Variants in IL20RA observed in about 807,000 individuals in gnomAD.
IL20RA encodes interleukin-20 receptor subunit alpha.
IL20RA carries 29 observed loss-of-function variants against 36.5 expected under a neutral mutation model. That is an observed-to-expected ratio of 0.79 (90% CI 0.59 to 1.08). The LOEUF (loss-of-function observed/expected upper bound fraction) is 1.08. Among genes scored for constraint, IL20RA ranks in the 50% least tolerant of loss-of-function variants. The pLI is 0.00. For synonymous variants in IL20RA, 279 were observed against 267.1 expected, an observed-to-expected ratio of 1.04 and a Z score of -0.43; for missense variants, 652 against 668.4, an observed-to-expected ratio of 0.98 and a Z score of 0.27.
At chr6:137,004,873 A>T in intron 5 of IL20RA, 113 bp from the exon 6 acceptor site, 1 of 981,136 alleles carries the variant, frequency 1.0e-6, no homozygotes, top group Non-Finnish European at 1.5e-6. Context: ...GATCACTTAC[A>T]TTTGGGAACT....
chr6:137,025,035 C>T (rs1039901391), intron 1 of IL20RA, among the ~76,000 whole-genome samples: 1 of 152,218 alleles, frequency 6.6e-6, no homozygotes, highest in African/African-American at 2.4e-5. Flanking sequence ...AGGAACTATC[C>T]ATTTAATGAA....
At chr6:137,028,414 TAAAAAAAAAAAAA>T (rs36068116) in intron 1 of IL20RA, among the ~76,000 whole-genome samples, 1 of 117,288 alleles carries the variant, frequency 8.5e-6, no homozygotes, top group African/African-American at 3.3e-5. Flanking sequence ...AGACTCCATC[TAAAAAAAAAAAAA>T]AAAAAAAGAA....
At position 137,002,122 on chromosome 6, in the gene IL20RA, CAA is replaced by C; in HGVS notation, c.1096_1097del (p.Leu366AspfsTer6). On this transcript the variant is annotated frameshift_variant, in exon 7 of 7. Transcript: ENST00000316649. LOFTEE classifies it low-confidence loss of function (END_TRUNC). ...CTTCAGAGTCACAAAAAATTTCCAT[CAA>C]ATGCGAAGCATACCCTAAATGTTTC... ...EVKHLGYASH[L>X]MEIFCDSEEN... 2 of 1,614,192 alleles carry C rather than the reference CAA, an allele frequency of 1.2e-6. No individual in the cohort carries two copies. The highest frequency in any genetic ancestry group is 1.7e-6 in the Non-Finnish European group (2 of 1,180,032).
intron 2 of IL20RA, among the ~76,000 whole-genome samples, chr6:137,012,398 A>G (rs575156277): frequency 1.3e-5 from 2 of 152,334 alleles, no homozygotes; most frequent in East Asian, 1.9e-4. Flanking sequence ...AATGGTGGTG[A>G]TATTTACTAC....
intron 1 of IL20RA, among the ~76,000 whole-genome samples, chr6:137,025,384 CT>C (rs1776051615): frequency 6.6e-6 from 1 of 152,188 alleles, no homozygotes; most frequent in African/African-American, 2.4e-5. Flanking sequence ...AGTGGGCCCT[CT>C]CCATCCACCA....
intron 1 of IL20RA, among the ~76,000 whole-genome samples, chr6:137,039,657 T>C (rs901421552): frequency 6.6e-6 from 1 of 152,148 alleles, no homozygotes; most frequent in Non-Finnish European, 1.5e-5. Context: ...AATATCACAA[T>C]GACAGTGTAA....
intron 1 of IL20RA, among the ~76,000 whole-genome samples, chr6:137,041,815 A>T (rs372769949): frequency 7.4e-5 from 11 of 149,112 alleles, no homozygotes; most frequent in African/African-American, 2.7e-4. Flanking sequence ...TTTTTTTTTA[A>T]ATATATATAT....
intron 6 of IL20RA, among the ~76,000 whole-genome samples, chr6:137,003,858 G>A (rs981017173): frequency 1.3e-5 from 2 of 152,028 alleles, no homozygotes; most frequent in African/African-American, 4.8e-5. Context: ...TGTTTCTTCT[G>A]CCTGCACTAC....
intron 1 of IL20RA, among the ~76,000 whole-genome samples, chr6:137,017,924 A>T (rs2115389111): frequency 6.6e-6 from 1 of 152,322 alleles, no homozygotes; most frequent in East Asian, 1.9e-4. Flanking sequence ...AAAATAAAGC[A>T]AAGATAATCC....
intron 1 of IL20RA, among the ~76,000 whole-genome samples, chr6:137,018,339 A>T (rs1775774982): frequency 1.3e-5 from 2 of 152,196 alleles, no homozygotes. Flanking sequence ...ACTTTGTAAT[A>T]TCACCCTGAT....
intron 3 of IL20RA, 22 bp downstream of exon 3, chr6:137,011,252 T>C (rs776995192): frequency 2.1e-5 from 34 of 1,582,188 alleles, no homozygotes; most frequent in Non-Finnish European, 2.8e-5. Context: ...TAACTGACCA[T>C]TGCAATAATG....
intron 1 of IL20RA, among the ~76,000 whole-genome samples, chr6:137,026,779 G>T (rs952439029): frequency 2.0e-5 from 3 of 152,148 alleles, no homozygotes; most frequent in Non-Finnish European, 4.4e-5. Flanking sequence ...GAAAGGAACG[G>T]CATGTTTTCT....
At chr6:137,004,159 C>CGGG (rs531501235) in intron 6 of IL20RA, among the ~76,000 whole-genome samples, 1 of 88,016 alleles carries the variant, frequency 1.1e-5, no homozygotes, top group African/African-American at 5.6e-5. Flanking sequence ...ATCCAGAAAG[C>CGGG]TTTTTTTTTT....
In IL20RA at chr6:137,001,715, T is replaced by A; in HGVS notation, c.1505A>T (p.Glu502Val). 1.2e-6 allele frequency: 2 copies of A among 1,614,014 alleles called. No individual in the cohort carries two copies. The highest frequency in any genetic ancestry group is 1.7e-6 in the Non-Finnish European group (2 of 1,179,934). The change falls in exon 7 of 7, where the codon GAG (glutamate) becomes GTG (valine). Residue 502 changes from glutamate (E) to valine (V), a missense_variant. By Grantham distance (121) the Glu-to-Val change is moderately radical. Coordinates refer to ENST00000316649, the MANE Select transcript of IL20RA (RefSeq NM_014432.4). The stretch of plus-strand genomic sequence containing the variant: ...ATCCCCCTCAGAAGGCTCGCAGCCC[T>A]CTGAATCCTGGTCGAAGCTGGACAG... ...PSLSSFDQDS[E>V]GCEPSEGDGL...
chr6:137,027,371 C>T (rs749036619), intron 1 of IL20RA, among the ~76,000 whole-genome samples: 10 of 152,286 alleles, frequency 6.6e-5, no homozygotes, highest in Middle Eastern at 3.4e-3. Flanking sequence ...TGGACTGGTG[C>T]GCTGCCTCAG....
chr6:137,004,592 T>TA (rs974057491), intron 6 of IL20RA, 29 bp downstream of exon 6: 3 of 1,607,914 alleles, frequency 1.9e-6, no homozygotes, highest in Non-Finnish European at 2.6e-6. Flanking sequence ...ACTATTATAA[T>TA]AAAGAACCCT....
At chr6:137,018,116 A>G (rs1775767884) in intron 1 of IL20RA, among the ~76,000 whole-genome samples, 1 of 152,216 alleles carries the variant, frequency 6.6e-6, no homozygotes, top group African/African-American at 2.4e-5. Flanking sequence ...AAATATTAAT[A>G]CTGCCAATCA....
Position 137,008,654 on chromosome 6 carries a change from T to C in IL20RA, c.669A>G (p.Pro223=). Residue 223 remains proline, a synonymous_variant, in exon 5 of 7, where the codon CCA becomes CCG. Transcript: ENST00000316649. ...AAGGCTGAGCACGGCGAGGGGGCCC[T>C]GGGACGAAGGACTCCACGTGTACGC... The part of the protein sequence containing the change: ...LYCVHVESFV[P]GPPRRAQPSE... 1 of 1,608,470 alleles carries C rather than the reference T, an allele frequency of 6.2e-7. No homozygotes were observed. Among genetic ancestry groups the C allele is most frequent in the African/African-American group, 1.3e-5 (1 of 74,914 alleles).
chr6:137,028,054 T>C (rs1036576852), intron 1 of IL20RA, among the ~76,000 whole-genome samples: 1 of 152,212 alleles, frequency 6.6e-6, no homozygotes, highest in African/African-American at 2.4e-5. Context: ...GTGTGACAAA[T>C]AGTTACTGGT....
Sources: gnomAD v4.1 joint callset for allele counts (sites outside exome capture counted in the v4.1 genomes callset) on GRCh38, gnomAD v4.1.1 for gene constraint, MANE v1.5 for transcripts, NCBI Gene and HGNC (gene_info 2026-07-23, HGNC 2026-07-21) for gene names.